C12orf42: variants seen among roughly 807,000 people sequenced by gnomAD.
C12orf42 encodes chromosome 12 open reading frame 42, also known as uncharacterized protein C12orf42.
In C12orf42, 25 loss-of-function variants were observed where a neutral mutation model predicts 21.6. The ratio of observed to expected loss-of-function variants is 1.16; its 90% CI spans 0.84 to 1.62. The LOEUF (loss-of-function observed/expected upper bound fraction) is 1.62. Ranked by LOEUF, C12orf42 falls within the 40% of genes most tolerant of loss-of-function variation. C12orf42 has a pLI of 0.00. For missense variants in C12orf42, 483 were observed against 459.3 expected, an observed-to-expected ratio of 1.05 and a Z score of -0.47; for synonymous variants, 174 against 175.0, an observed-to-expected ratio of 0.99 and a Z score of 0.05.
At chr12:103,481,806 GT>G (rs890478121) in intron 1 of C12orf42, among the ~76,000 whole-genome samples, 25 of 139,228 alleles carry the variant, frequency 1.8e-4, no homozygotes, top group East Asian at 6.4e-4. Context: ...TTTTGTTTGG[GT>G]TTTTTTTTTC....
intron 3 of C12orf42, among the ~76,000 whole-genome samples, chr12:103,390,293 T>C (rs1289335371): frequency 6.6e-6 from 1 of 152,254 alleles, no homozygotes. Flanking sequence ...TTTTTAATTA[T>C]GGTATAATAT....
At chr12:103,413,137 TG>T (rs1456136786) in intron 2 of C12orf42, among the ~76,000 whole-genome samples, 1 of 152,208 alleles carries the variant, frequency 6.6e-6, no homozygotes, top group East Asian at 1.9e-4. Context: ...TTTTTGTACA[TG>T]GGTGAAAGCT....
the C12orf42 span, among the ~76,000 whole-genome samples, chr12:103,095,438 GC>G: frequency 6.6e-6 from 1 of 152,102 alleles, no homozygotes; most frequent in Admixed American, 6.6e-5. Context: ...TAGCTCCTGT[GC>G]CCCATTGTTC....
intron 4 of C12orf42, among the ~76,000 whole-genome samples, chr12:103,295,197 C>G (rs1339567204): frequency 6.6e-6 from 1 of 152,102 alleles, no homozygotes; most frequent in Non-Finnish European, 1.5e-5. Flanking sequence ...TTTCCTGTGT[C>G]CCTGTGTGAC....
chr12:103,271,760 G>A (rs2035489691), intron 5 of C12orf42, among the ~76,000 whole-genome samples: 1 of 152,114 alleles, frequency 6.6e-6, no homozygotes, highest in Non-Finnish European at 1.5e-5. Flanking sequence ...CCACTCAAAT[G>A]CTGCAACGAT....
At chr12:103,364,742 A>G (rs796821182) in intron 4 of C12orf42, among the ~76,000 whole-genome samples, 1 of 152,024 alleles carries the variant, frequency 6.6e-6, no homozygotes, top group Non-Finnish European at 1.5e-5. Context: ...AAGGAGATGG[A>G]TACATTCCTA....
chr12:103,485,559 G>T (rs1954776219), intron 1 of C12orf42, among the ~76,000 whole-genome samples: 1 of 152,100 alleles, frequency 6.6e-6, no homozygotes, highest in Non-Finnish European at 1.5e-5. Flanking sequence ...AAATTACCTT[G>T]GGCAGTATGG....
intron 2 of C12orf42, among the ~76,000 whole-genome samples, chr12:103,403,580 T>A (rs1419791654): frequency 6.6e-6 from 1 of 152,168 alleles, no homozygotes; most frequent in Non-Finnish European, 1.5e-5. Context: ...GTTCTGCCCA[T>A]CGTCCTCTGT....
At chr12:103,306,423 G>A (rs1025608998) in intron 4 of C12orf42, 78 bp from the exon 5 acceptor site, 8 of 1,454,776 alleles carry the variant, frequency 5.5e-6, no homozygotes, top group Non-Finnish European at 6.4e-6. Flanking sequence ...GATGGAGTCA[G>A]GTAATATGTA....
chr12:103,055,546 A>G, the C12orf42 span, among the ~76,000 whole-genome samples: 4 of 151,858 alleles, frequency 2.6e-5, no homozygotes, highest in South Asian at 4.2e-4. Context: ...TCTGTGTTTT[A>G]CCTAATTGAT....
chr12:103,284,749 C>G (rs776241505), intron 4 of C12orf42, among the ~76,000 whole-genome samples: 5 of 152,214 alleles, frequency 3.3e-5, no homozygotes, highest in Non-Finnish European at 5.9e-5. Context: ...TCTATGACAA[C>G]TCATGGGTTT....
intron 1 of C12orf42, among the ~76,000 whole-genome samples, chr12:103,494,126 G>A (rs1955357477): frequency 6.6e-6 from 1 of 152,182 alleles, no homozygotes; most frequent in Non-Finnish European, 1.5e-5. Flanking sequence ...CCCTCTCTTA[G>A]GGCCATGGGT....
chr12:103,122,855 G>A, the C12orf42 span, among the ~76,000 whole-genome samples: 2 of 152,278 alleles, frequency 1.3e-5, no homozygotes, highest in East Asian at 3.9e-4. Context: ...GGAGGCACAT[G>A]AGCTGCCTTG....
chr12:103,370,521 C>T (rs1214652659), intron 3 of C12orf42, among the ~76,000 whole-genome samples: 1 of 152,056 alleles, frequency 6.6e-6, no homozygotes, highest in East Asian at 1.9e-4. Context: ...AAATGTGGTA[C>T]ATATACACCG....
At chr12:103,403,816 C>T (rs1343236491) in intron 2 of C12orf42, among the ~76,000 whole-genome samples, 1 of 152,074 alleles carries the variant, frequency 6.6e-6, no homozygotes, top group African/African-American at 2.4e-5. Context: ...AAGTAGTCAA[C>T]CTTTGCCCAG....
At chr12:103,432,812 G>A (rs1014492544) in intron 2 of C12orf42, among the ~76,000 whole-genome samples, 18 of 152,216 alleles carry the variant, frequency 1.2e-4, no homozygotes, top group African/African-American at 4.3e-4. Context: ...GGCACAGCAA[G>A]AAGGTGGCCA....
intron 3 of C12orf42, among the ~76,000 whole-genome samples, chr12:103,388,101 G>C (rs2046765062): frequency 6.6e-6 from 1 of 152,202 alleles, no homozygotes; most frequent in Non-Finnish European, 1.5e-5. Context: ...CCACTCTTAA[G>C]TGTGCACCCT....
chr12:103,157,258 A>G, the C12orf42 span, among the ~76,000 whole-genome samples: 5 of 152,214 alleles, frequency 3.3e-5, no homozygotes, highest in Admixed American at 6.5e-5. Flanking sequence ...TTTGCTGGTC[A>G]CATAAATGTC....
the C12orf42 span, among the ~76,000 whole-genome samples, chr12:103,193,621 T>C: frequency 3.3e-5 from 5 of 152,010 alleles, no homozygotes; most frequent in Admixed American, 3.3e-4. Flanking sequence ...CCTAGAAACG[T>C]ACAATCTAAG....
Sources: gnomAD v4.1 joint callset for allele counts (sites outside exome capture counted in the v4.1 genomes callset) on GRCh38, gnomAD v4.1.1 for gene constraint, MANE v1.5 for transcripts, NCBI Gene and HGNC (gene_info 2026-07-23, HGNC 2026-07-21) for gene names.